HSDL2: variants seen among roughly 807,000 people sequenced by gnomAD.
HSDL2 encodes the protein hydroxysteroid dehydrogenase like 2.
A neutral mutation model predicts 46.3 loss-of-function variants in HSDL2; 27 were observed. The ratio of observed to expected loss-of-function variants is 0.58; its 90% confidence interval spans 0.43 to 0.80. HSDL2 has a LOEUF of 0.80. Among genes scored for constraint, HSDL2 ranks in the 30% least tolerant of loss-of-function variants. The pLI, the probability that HSDL2 is intolerant of heterozygous loss-of-function variation, is 0.00. For synonymous variants in HSDL2, 153 were observed against 163.6 expected (o/e 0.94, Z 0.50); for missense variants, 451 against 502.7 (o/e 0.90, Z 0.98).
chr9:112,383,581 T>A (rs1308355920), intron 1 of HSDL2, among the ~76,000 whole-genome samples: 1 of 152,202 alleles, frequency 6.6e-6, no homozygotes, highest in Non-Finnish European at 1.5e-5. Flanking sequence ...GAGTTAATCT[T>A]TTCTCTTCTG....
At chr9:112,411,622 C>A (rs1377554052) in intron 4 of HSDL2, among the ~76,000 whole-genome samples, 2 of 152,122 alleles carry the variant, frequency 1.3e-5, no homozygotes, top group African/African-American at 4.8e-5. Context: ...CTGCAGTAAG[C>A]CAAGATCACA....
intron 1 of HSDL2, among the ~76,000 whole-genome samples, chr9:112,388,475 A>G (rs1268966671): frequency 6.6e-6 from 1 of 151,338 alleles, no homozygotes; most frequent in African/African-American, 2.4e-5. Flanking sequence ...AAAAAAAAAA[A>G]AAAAATACGC....
chr9:112,454,482 T>C (rs1405946707), intron 9 of HSDL2, among the ~76,000 whole-genome samples: 4 of 151,976 alleles, frequency 2.6e-5, no homozygotes, highest in South Asian at 2.1e-4. Flanking sequence ...TTAAGATCAG[T>C]GCGTACGGAC....
chr9:112,430,497 A>G (rs1255297661), intron 6 of HSDL2, among the ~76,000 whole-genome samples: 1 of 152,178 alleles, frequency 6.6e-6, no homozygotes, highest in Admixed American at 6.5e-5. Flanking sequence ...CAAGCAGAGA[A>G]GGGACCTGAT....
At chr9:112,452,096 ATTCTTTAAGGCTTTC>A (rs1832898656) in intron 8 of HSDL2, among the ~76,000 whole-genome samples, 1 of 152,260 alleles carries the variant, frequency 6.6e-6, no homozygotes, top group South Asian at 2.1e-4. Context: ...GGCTAAAAAA[ATTCTTTAAGGCTTTC>A]ATCTCTAATA....
At chr9:112,444,241 C>CT (rs768071886) in intron 8 of HSDL2, among the ~76,000 whole-genome samples, 3 of 152,216 alleles carry the variant, frequency 2.0e-5, no homozygotes, top group Middle Eastern at 3.2e-3. Flanking sequence ...TAGTTCAGCT[C>CT]TTTGAGAACC....
At chr9:112,467,720 CT>C (rs1328254902) in intron 10 of HSDL2, among the ~76,000 whole-genome samples, 35 of 152,294 alleles carry the variant, frequency 2.3e-4, no homozygotes, top group African/African-American at 8.4e-4. Context: ...TAAGCAAAGT[CT>C]TCCTGTACTC....
rs188606969 is a variant in HSDL2 at position 112,463,547 on chromosome 9, A to T, written c.1144+3970A>T. On this transcript the variant is annotated intron_variant, in intron 10 of 10. Transcript: ENST00000398805. ...TGTTGTCTTTTAAAAACATTTTTTT[A>T]AAATTGCTCCTTGCAGAGCAGGGTT... 5.9e-5 allele frequency among the ~76,000 whole-genome samples: 9 copies of T among 152,354 alleles called. No individual in the cohort carries two copies. In the East Asian group the frequency reaches 9.6e-4, roughly 16 times the overall value.
intron 1 of HSDL2, among the ~76,000 whole-genome samples, chr9:112,383,045 A>T (rs926915208): frequency 6.9e-6 from 1 of 144,346 alleles, no homozygotes; most frequent in Non-Finnish European, 1.5e-5. Flanking sequence ...CTTGCTCTGT[A>T]TGCCTTTGAG....
chr9:112,421,921 G>A (rs561293758), intron 6 of HSDL2, among the ~76,000 whole-genome samples: 1 of 152,286 alleles, frequency 6.6e-6, no homozygotes, highest in African/African-American at 2.4e-5. Context: ...GCTTGTGAAA[G>A]ACTGTTCTCT....
intron 10 of HSDL2, among the ~76,000 whole-genome samples, chr9:112,468,731 T>C (rs184525608): frequency 2.6e-5 from 4 of 152,318 alleles, no homozygotes; most frequent in South Asian, 4.1e-4. Flanking sequence ...GTGGAATTTT[T>C]AATTTGTTCT....
intron 8 of HSDL2, among the ~76,000 whole-genome samples, chr9:112,445,921 C>A (rs985223857): frequency 6.6e-6 from 1 of 152,178 alleles, no homozygotes; most frequent in African/African-American, 2.4e-5. Flanking sequence ...TTACTTCCTT[C>A]CTTAGCAGCA....
intron 6 of HSDL2, among the ~76,000 whole-genome samples, chr9:112,427,852 T>A (rs1201186088): frequency 6.6e-6 from 1 of 152,218 alleles, no homozygotes; most frequent in African/African-American, 2.4e-5. Flanking sequence ...AACTATTGAT[T>A]GGACAGTTAT....
chr9:112,413,351 G>A lies in HSDL2; in HGVS notation c.396-3490G>A, dbSNP rs781223004. On this transcript the variant is annotated intron_variant, in intron 4 of 10. Transcript: ENST00000398805. ...AAATTAGCAAGGTGTGGTGGCACAC[G>A]CCTGTAATCCAGCTACTCGGGAGGC... 4.5e-4 allele frequency among the ~76,000 whole-genome samples: 69 copies of A among 151,982 alleles called. 1 individual carries two copies. Among genetic ancestry groups the A allele is most frequent in the Non-Finnish European group, 1.5e-4 (10 of 67,996 alleles).
intron 1 of HSDL2, among the ~76,000 whole-genome samples, chr9:112,394,231 A>G (rs1831410432): frequency 6.7e-6 from 1 of 149,000 alleles, no homozygotes; most frequent in African/African-American, 2.4e-5. Flanking sequence ...CAGTCCGGAC[A>G]TGGCAATAGC....
chr9:112,467,291 G>GAAA (rs1833421517), intron 10 of HSDL2, among the ~76,000 whole-genome samples: 1 of 152,076 alleles, frequency 6.6e-6, no homozygotes, highest in South Asian at 2.1e-4. Context: ...TATGCTAAAT[G>GAAA]AAAAAAGCCA....
In HSDL2 at chr9:112,434,629, G is replaced by T. The variant is rs76772340; in HGVS notation, c.599-3802G>T. On this transcript the variant is annotated intron_variant, in intron 6 of 10. Coordinates refer to ENST00000398805, the MANE Select transcript of HSDL2 (RefSeq NM_032303.5). ...GGTAATGGTGCGCTGTATAATCAGT[G>T]GTATCATTGGTTCAGTGGATACACA... is the stretch of plus-strand genomic sequence containing the variant. Among the ~76,000 whole-genome samples the T allele has an allele frequency of 3.2e-4, 48 of 152,208 alleles. No homozygotes were observed. In the East Asian group the frequency reaches 8.5e-3, roughly 27 times the overall value.
At chr9:112,441,574 TCA>T (rs2132674461) in intron 7 of HSDL2, 123 bp from the exon 8 acceptor site, 1 of 592,790 alleles carries the variant, frequency 1.7e-6, no homozygotes, top group Admixed American at 2.9e-5. Flanking sequence ...TCGACAGTTC[TCA>T]CAGAGGCCTT....
intron 8 of HSDL2, among the ~76,000 whole-genome samples, chr9:112,450,704 T>C (rs1055432021): frequency 1.3e-5 from 2 of 151,900 alleles, no homozygotes; most frequent in African/African-American, 4.8e-5. Context: ...AGTACATTTA[T>C]ATTTTGGCTT....
Sources: allele counts gnomAD v4.1 joint callset (sites outside exome capture counted in the v4.1 genomes callset), GRCh38; gene constraint gnomAD v4.1.1; transcripts MANE v1.5; gene names NCBI Gene and HGNC (gene_info 2026-07-23, HGNC 2026-07-21).